The following DYNAP variants were observed in gnomAD, a reference collection of about 807,000 sequenced individuals.
The protein encoded by DYNAP is dynactin-associated protein.
Under a neutral mutation model 8.5 loss-of-function variants are expected in DYNAP, and 7 were observed. The observed-to-expected ratio is 0.82, with a 90% CI of 0.47 to 1.54. The LOEUF is 1.54. Among genes scored for constraint, DYNAP ranks in the 40% most tolerant of loss-of-function variants. The probability of loss-of-function intolerance (pLI) is 0.01; values close to 1 mark genes in which losing one functional copy is unlikely to be tolerated. For missense variants in DYNAP, 256 were observed against 224.3 expected (o/e 1.14, Z -0.90); for synonymous variants, 77 against 77.9 (o/e 0.99, Z 0.06).
intron 1 of DYNAP, 58 bp from the exon 2 acceptor site, chr18:54,594,881 A>T: frequency 6.6e-7 from 1 of 1,518,342 alleles, no homozygotes; most frequent in Non-Finnish European, 8.8e-7. Context: ...ATTTTATTTT[A>T]GCAACTCAAC....
At chr18:54,579,890 A>G in the DYNAP span, among the ~76,000 whole-genome samples, 1 of 152,216 alleles carries the variant, frequency 6.6e-6, no homozygotes, top group Non-Finnish European at 1.5e-5. Flanking sequence ...AAATTTAGAT[A>G]TATTTCAAAT....
Position 54,595,074 on chromosome 18 carries a change from T to G in DYNAP, c.193T>G (p.Cys65Gly). The change falls in exon 2 of 3, where the codon TGT (cysteine) becomes GGT (glycine). Residue 65 changes from cysteine to glycine, a missense_variant. By Grantham distance (159) the Cys-to-Gly change is radical. Coordinates refer to ENST00000648945, the MANE Select transcript of DYNAP (RefSeq NM_173629.3). ...CCCAGGAATCCTTGCACATTCAAGA[T>G]GTCTACAGTCAGAATCCTGTAACAC... ...VNPGILAHSRCLQSESCNTQV... is the reference protein window; with the variant it reads ...VNPGILAHSRGLQSESCNTQV... The G allele has an allele frequency of 1.9e-6, 3 of 1,612,380 alleles. No individual in the cohort carries two copies. The highest frequency in any genetic ancestry group is 2.5e-6 in the Non-Finnish European group (3 of 1,178,900).
At chr18:54,589,337 G>A (rs754748829), upstream of DYNAP, among the ~76,000 whole-genome samples, 13 of 152,100 alleles carry the variant, frequency 8.5e-5, no homozygotes, top group Admixed American at 1.3e-4. Context: ...CTTTATTGGC[G>A]ACTCTGAGAA....
chr18:54,579,913 G>A, the DYNAP span, among the ~76,000 whole-genome samples: 1 of 152,180 alleles, frequency 6.6e-6, no homozygotes, highest in African/African-American at 2.4e-5. Flanking sequence ...TATAAAAACA[G>A]TACTATACAG....
At position 54,598,554 on chromosome 18, in the gene DYNAP, T is replaced by A. The variant is rs57537350; in HGVS notation, c.*409T>A. 0.51 allele frequency: 87,346 copies of A among 171,242 alleles called. 22,765 individuals carry two copies. Among genetic ancestry groups the A allele is most frequent in the East Asian group, 0.68 (4,415 of 6,486 alleles). The allele number at this position is 171,242 out of a possible 1,614,324, so 10.6% of individuals were successfully genotyped here. A position where few individuals can be genotyped will look rare whatever the true frequency, so the allele number is the denominator to read the frequency against. ...CTTGCCCAAATTCCTTTCTAAGGGG[T>A]ATGGGGAGTCATGCCCTACAAACCA... On this transcript the variant is annotated 3_prime_UTR_variant, in exon 3 of 3. Transcript: ENST00000648945.
chr18:54,589,389 C>T (rs1442913622), upstream of DYNAP, among the ~76,000 whole-genome samples: 3 of 151,996 alleles, frequency 2.0e-5, no homozygotes, highest in African/African-American at 7.2e-5. Context: ...GCTAACAATC[C>T]AGGTGTGCTC....
At chr18:54,577,660 A>G in the DYNAP span, among the ~76,000 whole-genome samples, 1 of 151,850 alleles carries the variant, frequency 6.6e-6, no homozygotes, top group Non-Finnish European at 1.5e-5. Flanking sequence ...AAAAGAAAAG[A>G]AAAGAAAACA....
At chr18:54,582,254 C>T in the DYNAP span, among the ~76,000 whole-genome samples, 1 of 152,030 alleles carries the variant, frequency 6.6e-6, no homozygotes, top group Non-Finnish European at 1.5e-5. Flanking sequence ...TCACTGCATT[C>T]CAGCCTGGGC....
Position 54,598,362 on chromosome 18 carries a change from T to C in DYNAP, c.*217T>C, listed in dbSNP as rs868854403. 3.7e-6 allele frequency: 2 copies of C among 533,710 alleles called. No individual in the cohort carries two copies. The highest frequency in any genetic ancestry group is 6.6e-6 in the Non-Finnish European group (2 of 303,790). 33.1% of individuals were successfully genotyped at this position (533,710 alleles called of 1,614,324 possible). ...ATAATCACCACTTCGACCATCTCTT[T>C]GACTGAATCAACAACTACATTCCCT... is the stretch of plus-strand genomic sequence containing the variant. On this transcript the variant is annotated 3_prime_UTR_variant, in exon 3 of 3. Coordinates refer to ENST00000648945, the MANE Select transcript of DYNAP (RefSeq NM_173629.3).
chr18:54,593,398 A>C (rs1361652685), intron 1 of DYNAP, among the ~76,000 whole-genome samples: 3 of 152,154 alleles, frequency 2.0e-5, no homozygotes, highest in Admixed American at 2.0e-4. Context: ...TAATAACAAG[A>C]ATGATAGTTA....
chr18:54,580,751 G>A, the DYNAP span, among the ~76,000 whole-genome samples: 1 of 152,310 alleles, frequency 6.6e-6, no homozygotes, highest in South Asian at 2.1e-4. Context: ...AGAGCCTGAA[G>A]CAATGGCCAA....
chr18:54,576,510 C>A, the DYNAP span, among the ~76,000 whole-genome samples: 1 of 152,076 alleles, frequency 6.6e-6, no homozygotes, highest in East Asian at 1.9e-4. Context: ...CCAAAAAGAA[C>A]AAAACTAACC....
At chr18:54,587,971 A>G (rs1416499634), upstream of DYNAP, 2 of 397,014 alleles carry the variant, frequency 5.0e-6, no homozygotes, top group Non-Finnish European at 8.9e-6. Context: ...ATTTATCATT[A>G]TGGTCCTTTC....
At chr18:54,580,099 T>A in the DYNAP span, among the ~76,000 whole-genome samples, 1 of 152,198 alleles carries the variant, frequency 6.6e-6, no homozygotes, top group Non-Finnish European at 1.5e-5. Flanking sequence ...CCAAATGCAT[T>A]TCAGCTGCAC....
intron 2 of DYNAP, among the ~76,000 whole-genome samples, chr18:54,596,586 T>A (rs1295660574): frequency 6.6e-6 from 1 of 152,132 alleles, no homozygotes; most frequent in African/African-American, 2.4e-5. Context: ...ATTTAACAAT[T>A]AGGGAAAATA....
intron 2 of DYNAP, 114 bp downstream of exon 2, chr18:54,595,217 T>A: frequency 8.3e-7 from 1 of 1,207,892 alleles, no homozygotes; most frequent in Non-Finnish European, 1.1e-6. Flanking sequence ...TTTATATTTG[T>A]ATTAAGCATT....
chr18:54,584,535 G>GA (rs1173932330), upstream of DYNAP, among the ~76,000 whole-genome samples: 1 of 151,884 alleles, frequency 6.6e-6, no homozygotes, highest in Non-Finnish European at 1.5e-5. Context: ...CCTGCATTGT[G>GA]AAAAAATACA....
intron 2 of DYNAP, 70 bp from the exon 3 acceptor site, chr18:54,597,743 A>G: frequency 1.4e-6 from 2 of 1,455,422 alleles, no homozygotes; most frequent in Middle Eastern, 2.0e-4. Flanking sequence ...AGTTATAAGT[A>G]ATATAAAAGA....
chr18:54,576,996 G>A, the DYNAP span, among the ~76,000 whole-genome samples: 1 of 152,122 alleles, frequency 6.6e-6, no homozygotes, highest in Admixed American at 6.5e-5. Flanking sequence ...GTTTGTGCTA[G>A]CTTTATGTAG....
Sources: allele counts gnomAD v4.1 joint callset (sites outside exome capture counted in the v4.1 genomes callset), GRCh38; gene constraint gnomAD v4.1.1; transcripts MANE v1.5; gene names NCBI Gene and HGNC (gene_info 2026-07-23, HGNC 2026-07-21).